The following ENOX2 variants were observed in gnomAD, a reference collection of about 807,000 sequenced individuals.
ENOX2 encodes ecto-NOX disulfide-thiol exchanger 2.
A neutral mutation model predicts 45.0 loss-of-function variants in ENOX2; 36 were observed. The observed-to-expected ratio is 0.80, with a 90% CI of 0.61 to 1.06. ENOX2 has a LOEUF of 1.06. Among genes scored for constraint, ENOX2 ranks in the 50% least tolerant of loss-of-function variants. The pLI is 0.00. For synonymous variants in ENOX2, 174 were observed against 152.3 expected (o/e 1.14, Z -1.05); for missense variants, 423 against 462.5 (o/e 0.91, Z 0.78).
At chrX:130,870,082 G>C (rs1344678507) in intron 2 of ENOX2, among the ~76,000 whole-genome samples, 1 of 111,304 alleles carries the variant, frequency 9.0e-6, no homozygotes, top group African/African-American at 3.3e-5. Flanking sequence ...TTGGCAGATA[G>C]TCCTTTAGAG....
At chrX:130,750,406 G>A (rs1303332637) in intron 3 of ENOX2, among the ~76,000 whole-genome samples, 3 of 111,395 alleles carry the variant, frequency 2.7e-5, no homozygotes, top group Non-Finnish European at 3.8e-5. Context: ...CAATCTGTCT[G>A]CCTGTTTCTC....
intron 10 of ENOX2, among the ~76,000 whole-genome samples, chrX:130,637,731 A>T (rs780867848): frequency 1.2e-3 from 140 of 112,162 alleles, no homozygotes; most frequent in Non-Finnish European, 1.8e-3. Flanking sequence ...CCTTGAACTG[A>T]CAACTGCCTA....
chrX:130,731,506 C>T (rs1195598442), intron 3 of ENOX2, among the ~76,000 whole-genome samples: 1 of 111,741 alleles, frequency 8.9e-6, no homozygotes, highest in Non-Finnish European at 1.9e-5. Flanking sequence ...AACTGGACAT[C>T]CACAGTTGGG....
At chrX:130,661,167 A>G (rs893407611) in intron 9 of ENOX2, among the ~76,000 whole-genome samples, 7 of 110,837 alleles carry the variant, frequency 6.3e-5, no homozygotes, top group Admixed American at 5.8e-4. Flanking sequence ...ATAAATGTGT[A>G]ACAAAATTCT....
intron 3 of ENOX2, among the ~76,000 whole-genome samples, chrX:130,745,036 C>A (rs2039069334): frequency 9.0e-6 from 1 of 111,636 alleles, no homozygotes; most frequent in East Asian, 2.8e-4. Flanking sequence ...AGACCATACC[C>A]CCCGACTCAG....
intron 2 of ENOX2, among the ~76,000 whole-genome samples, chrX:130,829,036 C>T (rs1364043015): frequency 8.9e-6 from 1 of 111,781 alleles, no homozygotes. Context: ...CAAATGTGCA[C>T]TTCTTTATTT....
At chrX:130,720,662 G>T (rs747637887) in intron 3 of ENOX2, among the ~76,000 whole-genome samples, 1 of 112,088 alleles carries the variant, frequency 8.9e-6, no homozygotes, top group South Asian at 3.7e-4. Context: ...TCCACCAGGG[G>T]TAATATTTTC....
Position 130,838,408 on chromosome X carries a change from C to T in ENOX2, c.-182-54718G>A, listed in dbSNP as rs2077963396. Among the ~76,000 whole-genome samples, 3 of 111,442 alleles carry T rather than the reference C, an allele frequency of 2.7e-5. No individual in the cohort carries two copies. In the South Asian group the frequency reaches 1.1e-3, roughly 42 times the overall value. On this transcript the variant is annotated intron_variant, in intron 2 of 14. Transcript: ENST00000394363. The stretch of plus-strand genomic sequence containing the variant: ...AAAAAACAAACAAAAAAGAAACCAA[C>T]AACAACAAAAAAGAAGATAACTCCT...
chrX:130,722,000 AG>A (rs2038490602), intron 3 of ENOX2, among the ~76,000 whole-genome samples: 2 of 112,034 alleles, frequency 1.8e-5, no homozygotes, highest in Admixed American at 9.5e-5. Context: ...TTATAGTGTA[AG>A]AGTCCATCTT....
At chrX:130,766,736 C>T (rs1431622712) in intron 3 of ENOX2, among the ~76,000 whole-genome samples, 1 of 111,730 alleles carries the variant, frequency 9.0e-6, no homozygotes, top group African/African-American at 3.2e-5. Flanking sequence ...ACACATCAGA[C>T]CTCCATATGC....
chrX:130,860,143 G>T (rs889229962), intron 2 of ENOX2, among the ~76,000 whole-genome samples: 2 of 110,660 alleles, frequency 1.8e-5, no homozygotes, highest in Non-Finnish European at 3.8e-5. Flanking sequence ...TTTTAGTAGA[G>T]ACTGGGTTTC....
In ENOX2 at chrX:130,831,806, A is replaced by G. The variant is rs187445266; in HGVS notation, c.-182-48116T>C. ...AATGAGGGCAGCGACCTTTGTATAT[A>G]TTTTTTCACTGTTGTTTTTACAATA... is the stretch of plus-strand genomic sequence containing the variant. On this transcript the variant is annotated intron_variant, in intron 2 of 14. Coordinates refer to ENST00000394363, the MANE Select transcript of ENOX2 (RefSeq NM_006375.4). Among the ~76,000 whole-genome samples, 192 of 111,227 alleles carry G rather than the reference A, an allele frequency of 1.7e-3. 1 individual carries two copies. Among genetic ancestry groups the G allele is most frequent in the African/African-American group, 5.8e-3 (179 of 30,641 alleles).
chrX:130,673,744 C>T (rs192871186), intron 6 of ENOX2, among the ~76,000 whole-genome samples: 356 of 112,096 alleles, frequency 3.2e-3, no homozygotes, highest in African/African-American at 0.011. Flanking sequence ...AAAGTAAAAA[C>T]TTTGAAAAAC....
intron 10 of ENOX2, among the ~76,000 whole-genome samples, chrX:130,653,920 C>T (rs751791838): frequency 9.2e-4 from 103 of 112,026 alleles, no homozygotes; most frequent in African/African-American, 3.1e-3. Context: ...CCACCAGCAT[C>T]GAAATCATTT....
chrX:130,806,139 A>G (rs1167542657), intron 2 of ENOX2, among the ~76,000 whole-genome samples: 1 of 111,817 alleles, frequency 8.9e-6, no homozygotes, highest in Non-Finnish European at 1.9e-5. Context: ...CGCTTGCTCT[A>G]GTGTACAAAG....
chrX:130,738,692 T>C (rs1251220298), intron 3 of ENOX2, among the ~76,000 whole-genome samples: 1 of 112,221 alleles, frequency 8.9e-6, no homozygotes, highest in Admixed American at 9.4e-5. Flanking sequence ...AAATCACAGA[T>C]GGTCTAAAAT....
At chrX:130,821,742 T>TAAAAAAA in intron 2 of ENOX2, among the ~76,000 whole-genome samples, 179 of 23,173 alleles carry the variant, frequency 7.7e-3, no homozygotes, top group Non-Finnish European at 9.7e-3. Context: ...ATAAATAAAT[T>TAAAAAAA]AAAAAAAAAA....
intron 2 of ENOX2, among the ~76,000 whole-genome samples, chrX:130,826,220 T>C (rs1444385853): frequency 1.8e-5 from 2 of 111,935 alleles, no homozygotes; most frequent in Non-Finnish European, 3.8e-5. Context: ...AAGTTAACCA[T>C]GTGGTAGACA....
At chrX:130,845,553 C>A (rs1051782433) in intron 2 of ENOX2, among the ~76,000 whole-genome samples, 6 of 112,581 alleles carry the variant, frequency 5.3e-5, no homozygotes, top group South Asian at 3.7e-4. Flanking sequence ...GCAACCTCTG[C>A]CTCCTGGGCT....
Sources: allele counts gnomAD v4.1 joint callset (sites outside exome capture counted in the v4.1 genomes callset), GRCh38; gene constraint gnomAD v4.1.1; transcripts MANE v1.5; gene names NCBI Gene and HGNC (gene_info 2026-07-23, HGNC 2026-07-21).